Variants in USH1C observed in about 807,000 individuals in gnomAD.
USH1C encodes the protein harmonin.
Under a neutral mutation model 119.3 loss-of-function variants are expected in USH1C, and 90 were observed. That is an observed-to-expected ratio of 0.75 (90% CI 0.64 to 0.90). The LOEUF is 0.90. Ranked by LOEUF, USH1C falls within the 40% of genes least tolerant of loss-of-function variation. The pLI, the probability that USH1C is intolerant of heterozygous loss-of-function variation, is 0.00. For missense variants in USH1C, 1,165 were observed against 1,167.7 expected, an observed-to-expected ratio of 1.00 and a Z score of 0.03; for synonymous variants, 465 against 443.3, an observed-to-expected ratio of 1.05 and a Z score of -0.62.
chr11:17,527,573 T>C (rs1242254790), intron 4 of USH1C, among the ~76,000 whole-genome samples: 1 of 151,980 alleles, frequency 6.6e-6, no homozygotes, highest in East Asian at 1.9e-4. Flanking sequence ...AAGACAGGGG[T>C]GAGGGGCACA....
chr11:17,522,237 A>C (rs1209630213), intron 12 of USH1C, among the ~76,000 whole-genome samples: 1 of 152,182 alleles, frequency 6.6e-6, no homozygotes, highest in African/African-American at 2.4e-5. Flanking sequence ...CATCATTTCA[A>C]TCCTCCTGGA....
rs1849640106 is a variant in USH1C, at chr11:17,506,136, T to C, written c.2014-187A>G. ...GATGAGAAGCCCATTGGCCACAGTGTGGGCTGAGATCACAGAAACTACTGA... is the reference window on the plus strand; with the variant it reads ...GATGAGAAGCCCATTGGCCACAGTGCGGGCTGAGATCACAGAAACTACTGA... On this transcript the variant is annotated intron_variant, in intron 18 of 26. Transcript: ENST00000005226. Among the ~76,000 whole-genome samples, 3 of 152,204 alleles carry C rather than the reference T, an allele frequency of 2.0e-5. No individual in the cohort carries two copies. The South Asian group carries it at 6.2e-4, about 32-fold the overall frequency.
intron 18 of USH1C, among the ~76,000 whole-genome samples, chr11:17,506,885 G>C (rs1051190342): frequency 6.6e-6 from 1 of 152,166 alleles, no homozygotes; most frequent in South Asian, 2.1e-4. Flanking sequence ...GACTGCAGCT[G>C]TCTATCCAGC....
intron 26 of USH1C, chr11:17,494,663 T>C (rs929898521): frequency 7.4e-5 from 37 of 499,694 alleles, no homozygotes; most frequent in South Asian, 2.0e-4. Context: ...ACAGAAAACA[T>C]AGGGCCATGC....
chr11:17,536,856 A>G (rs896004766), intron 1 of USH1C, among the ~76,000 whole-genome samples: 1 of 152,260 alleles, frequency 6.6e-6, no homozygotes, highest in African/African-American at 2.4e-5. Context: ...TAACAGGGAA[A>G]ATAGATCTGG....
Position 17,533,296 on chromosome 11 carries a change from T to G in USH1C, c.63A>C (p.Ala21=), listed in dbSNP as rs914156135. ...GCACATCATAGAGATAGTCCTTCTC[T>G]GCATCATTTTCAATCAGAAAATCCA... ...HKVDFLIEND[A]EKDYLYDVLR... The change falls in exon 2 of 27, where the codon GCA becomes GCC. Residue 21 remains alanine, a synonymous_variant. Transcript: ENST00000005226. 6.2e-7 allele frequency: 1 copy of G among 1,613,646 alleles called. No homozygotes were observed. The highest frequency in any genetic ancestry group is 8.5e-7 in the Non-Finnish European group (1 of 1,179,876).
At chr11:17,495,378 C>T (rs959546442) in intron 26 of USH1C, among the ~76,000 whole-genome samples, 191 bp downstream of exon 26, 1 of 152,218 alleles carries the variant, frequency 6.6e-6, no homozygotes, top group Non-Finnish European at 1.5e-5. Context: ...TGCACCACTT[C>T]CCTGAGGGGA....
intron 1 of USH1C, among the ~76,000 whole-genome samples, chr11:17,542,966 C>A (rs192366443): frequency 6.6e-6 from 1 of 152,210 alleles, no homozygotes; most frequent in Non-Finnish European, 1.5e-5. Context: ...TTTTCAGGAG[C>A]CTTCTGCCAG....
At chr11:17,517,349 G>A (rs1034528335) in intron 14 of USH1C, 69 of 1,534,892 alleles carry the variant, frequency 4.5e-5, no homozygotes, top group Admixed American at 1.4e-4. Context: ...AGGAGGAGGC[G>A]GGCAGGGTAA....
chr11:17,501,445 G>C (rs1172047940), intron 22 of USH1C, 37 bp downstream of exon 22: 1 of 1,605,334 alleles, frequency 6.2e-7, no homozygotes, highest in Non-Finnish European at 8.5e-7. Context: ...GGCACAGAGA[G>C]GGATGGCGGC....
Position 17,509,836 on chromosome 11 carries a change from C to T in USH1C, c.1533G>A (p.Met511Ile), listed in dbSNP as rs781381559. The T allele has an allele frequency of 1.3e-6, 2 of 1,592,288 alleles. No individual in the cohort carries two copies. The highest frequency in any genetic ancestry group is 3.4e-5 in the Admixed American group (2 of 59,690). ...GCGGGGGAGGCGGGGGCCCTGTGGT[C>T]ATCTGGGGGTGTTGCAAGGAAGTTC... Reference protein sequence around the residue: ...ISSADNEISEMTTGPPPPPPS... With the variant: ...ISSADNEISEITTGPPPPPPS... The change falls in exon 18 of 27, where the codon ATG becomes ATA. Residue 511 changes from methionine to isoleucine, a missense_variant and splice_region_variant. Coordinates refer to ENST00000005226, the MANE Select transcript of USH1C (RefSeq NM_153676.4).
At chr11:17,499,990 A>G (rs2060475472) in intron 23 of USH1C, among the ~76,000 whole-genome samples, 2 of 152,188 alleles carry the variant, frequency 1.3e-5, no homozygotes, top group South Asian at 2.1e-4. Flanking sequence ...GGGCACCTAC[A>G]TCTCCACAAA....
intron 1 of USH1C, among the ~76,000 whole-genome samples, chr11:17,540,183 G>A (rs1372975231): frequency 1.3e-5 from 2 of 152,060 alleles, no homozygotes; most frequent in Non-Finnish European, 2.9e-5. Context: ...CATGTAAAGC[G>A]CTGTATATAT....
At chr11:17,533,676 C>A in intron 1 of USH1C, 1 of 499,376 alleles carries the variant, frequency 2.0e-6, no homozygotes, top group Non-Finnish European at 3.9e-6. Context: ...TGCTCACCCC[C>A]ATGGCTGTGT....
At chr11:17,534,359 C>T (rs886680380) in intron 1 of USH1C, among the ~76,000 whole-genome samples, 2 of 152,232 alleles carry the variant, frequency 1.3e-5, no homozygotes, top group Non-Finnish European at 2.9e-5. Context: ...ACATGCTGGG[C>T]CCAGCCCTTG....
chr11:17,503,109 A>C (rs1001605804), intron 20 of USH1C, among the ~76,000 whole-genome samples: 15 of 152,206 alleles, frequency 9.9e-5, no homozygotes, highest in African/African-American at 3.6e-4. Context: ...CACTTGCCTC[A>C]ATCACCCAGG....
At chr11:17,533,431 G>T in intron 1 of USH1C, 109 bp from the exon 2 acceptor site, 1 of 820,390 alleles carries the variant, frequency 1.2e-6, no homozygotes, top group Non-Finnish European at 2.1e-6. Flanking sequence ...GCTTTTCAGG[G>T]CTGGAGTTGT....
At chr11:17,506,018 TCTA>T in intron 18 of USH1C, 69 bp from the exon 19 acceptor site, 2 of 1,607,816 alleles carry the variant, frequency 1.2e-6, no homozygotes, top group Non-Finnish European at 1.7e-6. Flanking sequence ...CCATGCTACT[TCTA>T]CACACATGCA....
rs1265766122 is a variant in USH1C at position 17,541,852 on chromosome 11, T to TTGAC, written c.36+2416_36+2419dup. 1.4e-4 allele frequency among the ~76,000 whole-genome samples: 21 copies of TTGAC among 152,192 alleles called. 1 individual carries two copies. Among genetic ancestry groups the TTGAC allele is most frequent in the Non-Finnish European group, 1.5e-5 (1 of 68,030 alleles). On this transcript the variant is annotated intron_variant, in intron 1 of 26. Transcript: ENST00000005226. ...CCAGTACTTTAATTGCTAGTTAGTT[T>TTGAC]TGACTGTCTTGTGAGGTAAGTTCTA...
Sources: gnomAD v4.1 joint callset for allele counts (sites outside exome capture counted in the v4.1 genomes callset) on GRCh38, gnomAD v4.1.1 for gene constraint, MANE v1.5 for transcripts, NCBI Gene and HGNC (gene_info 2026-07-23, HGNC 2026-07-21) for gene names.